The following MDGA2 variants were observed in gnomAD, a reference collection of about 807,000 sequenced individuals.
The protein encoded by MDGA2 is MAM domain containing glycosylphosphatidylinositol anchor 2, also known as MAM domain-containing glycosylphosphatidylinositol anchor protein 2.
In MDGA2, 40 loss-of-function variants were observed where a neutral mutation model predicts 117.8. The ratio of observed to expected loss-of-function variants is 0.34; its 90% CI spans 0.26 to 0.44. The LOEUF (loss-of-function observed/expected upper bound fraction) is 0.44. MDGA2 is among the 20% of genes least tolerant of loss of function. The pLI is 1.00. For missense variants in MDGA2, 1,123 were observed against 1,250.6 expected (o/e 0.90, Z 1.54); for synonymous variants, 452 against 439.0 (o/e 1.03, Z -0.37).
At chr14:47,630,853 T>G (rs1897240963) in intron 1 of MDGA2, among the ~76,000 whole-genome samples, 1 of 152,178 alleles carries the variant, frequency 6.6e-6, no homozygotes, top group African/African-American at 2.4e-5. Flanking sequence ...CAGTCAATAT[T>G]CATTGTGTAC....
chr14:47,441,473 C>G (rs2138548482), intron 1 of MDGA2, among the ~76,000 whole-genome samples: 1 of 152,114 alleles, frequency 6.6e-6, no homozygotes, highest in Non-Finnish European at 1.5e-5. Flanking sequence ...GGAAGTAAAG[C>G]AATTTTTTAA....
chr14:47,558,864 T>C (rs1024268177), intron 1 of MDGA2, among the ~76,000 whole-genome samples: 1 of 152,228 alleles, frequency 6.6e-6, no homozygotes, highest in Non-Finnish European at 1.5e-5. Flanking sequence ...GATAATTTTC[T>C]ATCATTCCTG....
chr14:47,163,040 T>C (rs1301338208), intron 3 of MDGA2, among the ~76,000 whole-genome samples: 3 of 152,222 alleles, frequency 2.0e-5, no homozygotes, highest in African/African-American at 7.2e-5. Flanking sequence ...TTTACTAACT[T>C]CTGCTTCTGA....
Position 47,600,467 on chromosome 14 carries a change from C to T in MDGA2, c.280+74050G>A, listed in dbSNP as rs145588578. ...TTTTAAAAATATCGTATATGGTTGT[C>T]CCAGGAAAATAGTCTAATACTTGAC... On this transcript the variant is annotated intron_variant, in intron 1 of 16. Coordinates refer to ENST00000399232, the MANE Select transcript of MDGA2 (RefSeq NM_001113498.3). Among the ~76,000 whole-genome samples the T allele has an allele frequency of 2.0e-3, 304 of 152,038 alleles. 6 individuals carry two copies. In the East Asian group the frequency reaches 0.047, roughly 24 times the overall value.
intron 1 of MDGA2, among the ~76,000 whole-genome samples, chr14:47,665,995 G>A (rs1897950393): frequency 6.6e-6 from 1 of 151,966 alleles, no homozygotes; most frequent in Non-Finnish European, 1.5e-5. Context: ...CCTGGTGCGA[G>A]ATCCACTGGG....
At chr14:47,389,739 A>C (rs1566765724) in intron 1 of MDGA2, among the ~76,000 whole-genome samples, 1 of 152,060 alleles carries the variant, frequency 6.6e-6, no homozygotes, top group East Asian at 1.9e-4. Context: ...GGGTGAAAAA[A>C]GGGGGGAGGG....
At chr14:46,853,022 C>T (rs1335145345) in intron 15 of MDGA2, among the ~76,000 whole-genome samples, 31 of 151,832 alleles carry the variant, frequency 2.0e-4, no homozygotes. Context: ...CAACCAAGAA[C>T]TTATACAGAT....
Position 47,060,695 on chromosome 14 carries a change from T to A in MDGA2, c.1525+554A>T, listed in dbSNP as rs142742867. 2.5e-4 allele frequency among the ~76,000 whole-genome samples: 38 copies of A among 152,186 alleles called. No homozygotes were observed. In the East Asian group the frequency reaches 4.1e-3, roughly 16 times the overall value. ...AAGAAAGAATTTCACTCCAATATAT[T>A]TTCGTACTTAACTATTTTCATTATG... On this transcript the variant is annotated intron_variant, in intron 7 of 16. Transcript: ENST00000399232.
At chr14:47,512,171 T>C (rs1456538351) in intron 1 of MDGA2, among the ~76,000 whole-genome samples, 4 of 152,160 alleles carry the variant, frequency 2.6e-5, no homozygotes, top group African/African-American at 9.7e-5. Flanking sequence ...TCTTTCTAAG[T>C]TCAGGTGGCA....
At chr14:46,881,185 A>G (rs779027877) in intron 11 of MDGA2, among the ~76,000 whole-genome samples, 1 of 152,136 alleles carries the variant, frequency 6.6e-6, no homozygotes, top group African/African-American at 2.4e-5. Flanking sequence ...TTCAATGATA[A>G]AAAGAAATGT....
chr14:47,648,760 C>T (rs1182770622), intron 1 of MDGA2, among the ~76,000 whole-genome samples: 2 of 152,090 alleles, frequency 1.3e-5, no homozygotes, highest in African/African-American at 2.4e-5. Flanking sequence ...ATATTTTGAC[C>T]TAATTGAAGT....
At chr14:47,532,128 C>T (rs1895113525) in intron 1 of MDGA2, among the ~76,000 whole-genome samples, 1 of 152,192 alleles carries the variant, frequency 6.6e-6, no homozygotes, top group African/African-American at 2.4e-5. Context: ...CTTATAATTG[C>T]ATCAAACAGC....
intron 2 of MDGA2, among the ~76,000 whole-genome samples, chr14:47,228,359 G>T (rs1485658931): frequency 6.6e-6 from 1 of 152,026 alleles, no homozygotes; most frequent in Non-Finnish European, 1.5e-5. Flanking sequence ...CGATTTGTTT[G>T]ACTTAATGAT....
At chr14:47,231,125 T>C (rs1886675131) in intron 2 of MDGA2, among the ~76,000 whole-genome samples, 1 of 152,162 alleles carries the variant, frequency 6.6e-6, no homozygotes, top group South Asian at 2.1e-4. Flanking sequence ...GATTCAAAAA[T>C]ATTAACTAAC....
chr14:47,268,658 T>C (rs753680089), intron 2 of MDGA2, among the ~76,000 whole-genome samples: 2 of 152,172 alleles, frequency 1.3e-5, no homozygotes, highest in Non-Finnish European at 2.9e-5. Flanking sequence ...CTGATCTCTT[T>C]GGTGCCAAAA....
At chr14:47,255,194 T>C (rs1179906423) in intron 2 of MDGA2, among the ~76,000 whole-genome samples, 1 of 152,094 alleles carries the variant, frequency 6.6e-6, no homozygotes, top group South Asian at 2.1e-4. Context: ...ATCTAAGACA[T>C]TAAAGAGATT....
chr14:47,434,098 T>G (rs947481994), intron 1 of MDGA2, among the ~76,000 whole-genome samples: 1 of 152,102 alleles, frequency 6.6e-6, no homozygotes, highest in African/African-American at 2.4e-5. Context: ...AGACTTTTGG[T>G]GACAAAAATA....
At chr14:47,622,421 T>C (rs141691309) in intron 1 of MDGA2, among the ~76,000 whole-genome samples, 104 of 152,320 alleles carry the variant, frequency 6.8e-4, no homozygotes, top group African/African-American at 2.3e-3. Context: ...ATATGTGTCC[T>C]CCAGTGTGAG....
At chr14:46,933,144 T>A (rs1009956919) in intron 9 of MDGA2, among the ~76,000 whole-genome samples, 2 of 152,062 alleles carry the variant, frequency 1.3e-5, no homozygotes, top group Admixed American at 6.6e-5. Context: ...CCACATCAGT[T>A]GAATGCTAAC....
Sources: gnomAD v4.1 joint callset for allele counts (sites outside exome capture counted in the v4.1 genomes callset) on GRCh38, gnomAD v4.1.1 for gene constraint, MANE v1.5 for transcripts, NCBI Gene and HGNC (gene_info 2026-07-23, HGNC 2026-07-21) for gene names.